IGSF21: variants seen among roughly 807,000 people sequenced by gnomAD.
The protein encoded by IGSF21 is immunoglobulin superfamily member 21.
A neutral mutation model predicts 46.8 loss-of-function variants in IGSF21; 28 were observed. That is an observed-to-expected ratio of 0.60 (90% confidence interval 0.44 to 0.82). The LOEUF (loss-of-function observed/expected upper bound fraction) is 0.82, where lower values mean the gene tolerates loss of function less well. Among genes scored for constraint, IGSF21 ranks in the 40% least tolerant of loss-of-function variants. The probability of loss-of-function intolerance (pLI) is 0.00; values close to 1 mark genes in which losing one functional copy is unlikely to be tolerated. For synonymous variants in IGSF21, 284 were observed against 273.6 expected (o/e 1.04, Z -0.38); for missense variants, 624 against 665.5 (o/e 0.94, Z 0.69).
At chr1:18,376,432 A>T in intron 7 of IGSF21, 37 bp downstream of exon 7, 1 of 1,459,878 alleles carries the variant, frequency 6.8e-7, no homozygotes, top group Non-Finnish European at 9.6e-7. Flanking sequence ...GGGTGGTGGG[A>T]GGTGGTAGAG....
chr1:18,258,583 G>A (rs765231130), intron 2 of IGSF21, among the ~76,000 whole-genome samples: 1 of 152,192 alleles, frequency 6.6e-6, no homozygotes, highest in Non-Finnish European at 1.5e-5. Context: ...TGAAGCCCCT[G>A]TGTAAGAATG....
intron 1 of IGSF21, chr1:18,110,472 G>A (rs1264356122): frequency 6.6e-6 from 1 of 152,298 alleles, no homozygotes; most frequent in Non-Finnish European, 1.5e-5. Flanking sequence ...CTGCCTCCGA[G>A]GGCGCAGAGA....
intron 4 of IGSF21, among the ~76,000 whole-genome samples, chr1:18,360,947 C>A (rs2086093534): frequency 6.6e-6 from 1 of 150,402 alleles, no homozygotes; most frequent in Non-Finnish European, 1.5e-5. Flanking sequence ...TGCCTGATGG[C>A]CCAGTCCCTG....
chr1:18,321,271 C>T (rs1398815360), intron 3 of IGSF21, among the ~76,000 whole-genome samples: 1 of 152,216 alleles, frequency 6.6e-6, no homozygotes, highest in African/African-American at 2.4e-5. Context: ...GAGCCACAGT[C>T]TGATGCCTCG....
intron 1 of IGSF21, among the ~76,000 whole-genome samples, chr1:18,206,484 G>A (rs554494741): frequency 6.6e-6 from 1 of 152,032 alleles, no homozygotes; most frequent in South Asian, 2.1e-4. Flanking sequence ...ACGAGTTCAA[G>A]GCTGCGGCGA....
rs146698566 is a variant in IGSF21, at chr1:18,214,905, C to T, written c.71-12993C>T. Among the ~76,000 whole-genome samples, 1,059 of 152,234 alleles carry T rather than the reference C, an allele frequency of 7.0e-3. 12 individuals carry two copies. The highest frequency in any genetic ancestry group is 0.024 in the African/African-American group (1,009 of 41,536). On this transcript the variant is annotated intron_variant, in intron 1 of 9. Coordinates refer to ENST00000251296, the MANE Select transcript of IGSF21 (RefSeq NM_032880.5). ...TACAGGTGCACGCCACCACACCAAG[C>T]TAATTTTTGTATTTTTAGTAGAGAC...
At chr1:18,132,870 G>C (rs564632608) in intron 1 of IGSF21, among the ~76,000 whole-genome samples, 1 of 150,484 alleles carries the variant, frequency 6.6e-6, no homozygotes, top group East Asian at 2.0e-4. Context: ...ACTGGGCGGG[G>C]TCTGGCCTGT....
At chr1:18,171,840 G>A (rs1463214178) in intron 1 of IGSF21, among the ~76,000 whole-genome samples, 2 of 152,198 alleles carry the variant, frequency 1.3e-5, no homozygotes, top group East Asian at 3.8e-4. Context: ...AGTGAGTGAT[G>A]ATTGGTCTAA....
intron 2 of IGSF21, among the ~76,000 whole-genome samples, chr1:18,272,082 A>G (rs1045555487): frequency 4.6e-5 from 7 of 152,098 alleles, no homozygotes; most frequent in Non-Finnish European, 8.8e-5. Flanking sequence ...CCTCATAATC[A>G]TGGCCTCACA....
In IGSF21 at chr1:18,365,494, G is replaced by A. The variant is rs998302842; in HGVS notation, c.812G>A (p.Ser271Asn). The A allele has an allele frequency of 6.2e-7, 1 of 1,614,044 alleles. No homozygotes were observed. The highest frequency in any genetic ancestry group is 1.1e-5 in the South Asian group (1 of 91,054). ...TTENIPETVV[S>N]REFPRWVHSA... ...GAGAACATACCAGAGACGGTCGTGA[G>A]CCGTGAGTTTCCCCGCTGGGTCCAC... Residue 271 changes from serine to asparagine, a missense_variant, in exon 6 of 10, where the codon AGC becomes AAC. Transcript: ENST00000251296. This position sits in a 1 kb window ranked among gnomAD's most constrained non-coding sequence, Gnocchi z 4.8.
At chr1:18,154,274 T>C (rs1338330372) in intron 1 of IGSF21, among the ~76,000 whole-genome samples, 1 of 152,174 alleles carries the variant, frequency 6.6e-6, no homozygotes, top group Non-Finnish European at 1.5e-5. Flanking sequence ...GGGATTTGAT[T>C]TGAGTGCTTT....
At chr1:18,208,094 T>A (rs2084350363) in intron 1 of IGSF21, among the ~76,000 whole-genome samples, 1 of 151,910 alleles carries the variant, frequency 6.6e-6, no homozygotes, top group Non-Finnish European at 1.5e-5. Context: ...ACAGGGGAGT[T>A]TTCCTAAGGG....
At position 18,294,296 on chromosome 1, in the gene IGSF21, C is replaced by T. The variant is rs141127559; in HGVS notation, c.305+2309C>T. Among the ~76,000 whole-genome samples the T allele has an allele frequency of 2.3e-4, 35 of 152,300 alleles. No individual in the cohort carries two copies. The East Asian group carries it at 6.4e-3, about 28-fold the overall frequency. ...GCTGGTTTCCGGCCTCTAAGTGGTA[C>T]ATGTTTGCTGCCATTGCCTAGAACA... is the stretch of plus-strand genomic sequence containing the variant. On this transcript the variant is annotated intron_variant, in intron 3 of 9. Transcript: ENST00000251296.
At chr1:18,345,194 A>G (rs934788815) in intron 4 of IGSF21, among the ~76,000 whole-genome samples, 1 of 152,102 alleles carries the variant, frequency 6.6e-6, no homozygotes, top group African/African-American at 2.4e-5. Flanking sequence ...GCCCCTCCAA[A>G]CTAGAAAAGG....
intron 3 of IGSF21, among the ~76,000 whole-genome samples, chr1:18,304,726 C>T (rs5009445): frequency 1.0e-4 from 3 of 29,572 alleles, no homozygotes; most frequent in Non-Finnish European, 2.1e-4. Flanking sequence ...CACACACACA[C>T]ACATACACAC....
At chr1:18,318,229 C>A (rs1402204653) in intron 3 of IGSF21, among the ~76,000 whole-genome samples, 7 of 152,146 alleles carry the variant, frequency 4.6e-5, no homozygotes, top group African/African-American at 1.7e-4. Flanking sequence ...AGCCCTGGCC[C>A]CCCGTCCCAA....
intron 1 of IGSF21, among the ~76,000 whole-genome samples, chr1:18,139,993 C>T (rs927198710): frequency 5.3e-5 from 8 of 152,268 alleles, no homozygotes; most frequent in African/African-American, 1.9e-4. Context: ...GTCGCTCAGG[C>T]TGAAGTGCAG....
chr1:18,326,060 G>T (rs930503923), intron 3 of IGSF21, among the ~76,000 whole-genome samples: 1 of 151,936 alleles, frequency 6.6e-6, no homozygotes, highest in African/African-American at 2.4e-5. Context: ...TTTTTTTCCA[G>T]GGAGTAGCAA....
chr1:18,111,163 G>T, intron 1 of IGSF21: 1 of 152,312 alleles, frequency 6.6e-6, no homozygotes. Flanking sequence ...TTCCCACTGG[G>T]CGGGGCCTCT....
Sources: allele counts gnomAD v4.1 joint callset (sites outside exome capture counted in the v4.1 genomes callset), GRCh38; gene constraint gnomAD v4.1.1; non-coding constraint Gnocchi (gnomAD v3.1); transcripts MANE v1.5; gene names NCBI Gene and HGNC (gene_info 2026-07-23, HGNC 2026-07-21).